The following RARB variants were observed in gnomAD, a reference collection of about 807,000 sequenced individuals.
The protein encoded by RARB is HBV-activated protein.
A neutral mutation model predicts 51.9 loss-of-function variants in RARB; 17 were observed. The observed-to-expected ratio is 0.33, with a 90% CI of 0.22 to 0.49. The LOEUF (loss-of-function observed/expected upper bound fraction) is 0.49, where lower values mean the gene tolerates loss of function less well. Among genes scored for constraint, RARB ranks in the 20% least tolerant of loss-of-function variants. The pLI, the probability that RARB is intolerant of heterozygous loss-of-function variation, is 0.99. For missense variants in RARB, 369 were observed against 550.8 expected, an observed-to-expected ratio of 0.67 and a Z score of 3.30; for synonymous variants, 215 against 195.4, an observed-to-expected ratio of 1.10 and a Z score of -0.84.
intron 5 of RARB, among the ~76,000 whole-genome samples, chr3:25,419,449 T>G (rs1293397826): frequency 6.6e-6 from 1 of 152,268 alleles, no homozygotes; most frequent in African/African-American, 2.4e-5. Context: ...AAGCCCAAAC[T>G]TGGGCCTCCT....
intron 5 of RARB, among the ~76,000 whole-genome samples, chr3:25,389,358 T>G (rs1706883795): frequency 6.6e-6 from 1 of 152,190 alleles, no homozygotes; most frequent in African/African-American, 2.4e-5. Flanking sequence ...TGTCACATGT[T>G]TCTTCCCTCA....
At chr3:25,360,979 T>C (rs1705915411) in intron 5 of RARB, among the ~76,000 whole-genome samples, 1 of 152,038 alleles carries the variant, frequency 6.6e-6, no homozygotes, top group South Asian at 2.1e-4. Context: ...TCTCAAGGAG[T>C]GTCTTAGTGG....
At chr3:25,075,796 G>A (rs920980918) in intron 3 of RARB, among the ~76,000 whole-genome samples, 5 of 152,158 alleles carry the variant, frequency 3.3e-5, no homozygotes, top group Non-Finnish European at 5.9e-5. Context: ...GTATGGATTT[G>A]GGAGCTTTCT....
chr3:25,300,425 C>T (rs1704013575), intron 5 of RARB, among the ~76,000 whole-genome samples: 1 of 152,170 alleles, frequency 6.6e-6, no homozygotes, highest in African/African-American at 2.4e-5. Flanking sequence ...ATCATTAACT[C>T]CAAATTCTAG....
At chr3:25,187,789 A>T (rs1701011817) in intron 5 of RARB, among the ~76,000 whole-genome samples, 1 of 152,102 alleles carries the variant, frequency 6.6e-6, no homozygotes, top group Non-Finnish European at 1.5e-5. Context: ...AATAATTTTG[A>T]ACTTAGTAAA....
At position 25,474,773 on chromosome 3, in the gene RARB, A is replaced by G. The variant is rs146963408; in HGVS notation, c.306+13432A>G. Among the ~76,000 whole-genome samples the G allele has an allele frequency of 6.6e-4, 100 of 152,326 alleles. 1 individual carries two copies. Among genetic ancestry groups the G allele is most frequent in the East Asian group, 4.8e-3 (25 of 5,184 alleles). On this transcript the variant is annotated intron_variant, in intron 2 of 7. Coordinates refer to ENST00000330688, the MANE Select transcript of RARB (RefSeq NM_000965.5). Reference sequence around the variant, plus strand: ...TTCTGCTAATTCTTGTTATTTCACTAAAATGAAATTAAATGTATAATTTCT... The same window carrying G: ...TTCTGCTAATTCTTGTTATTTCACTGAAATGAAATTAAATGTATAATTTCT...
intron 5 of RARB, among the ~76,000 whole-genome samples, chr3:25,321,609 C>G (rs964505184): frequency 1.3e-5 from 2 of 151,610 alleles, no homozygotes; most frequent in African/African-American, 2.4e-5. Context: ...CCCAGCTACT[C>G]GGGAGGCTGA....
chr3:25,235,621 A>G (rs892592148), intron 5 of RARB, among the ~76,000 whole-genome samples: 3 of 152,170 alleles, frequency 2.0e-5, no homozygotes, highest in Non-Finnish European at 4.4e-5. Context: ...TAGCTGAAAT[A>G]AGCAAGTCTG....
chr3:25,314,691 A>T (rs1704374660), intron 5 of RARB, among the ~76,000 whole-genome samples: 1 of 152,078 alleles, frequency 6.6e-6, no homozygotes, highest in African/African-American at 2.4e-5. Flanking sequence ...TAATTTTTTA[A>T]AATACTTTCA....
chr3:24,930,719 G>A (rs1679227908), intron 2 of RARB, among the ~76,000 whole-genome samples: 1 of 152,136 alleles, frequency 6.6e-6, no homozygotes, highest in East Asian at 1.9e-4. Flanking sequence ...ATAAAAATGA[G>A]GAGACCTGGC....
rs557563744 is a variant in RARB, at chr3:24,918,642, G to C, written c.-380+59890G>C. Among the ~76,000 whole-genome samples, 5 of 152,328 alleles carry C rather than the reference G, an allele frequency of 3.3e-5. No individual in the cohort carries two copies. In the East Asian group the frequency reaches 5.8e-4, roughly 18 times the overall value. ...TCGCACCTGTAATCCCAGCACTTTG[G>C]GAGGCCGAGGTGGGCAGATTGCCTG... is the stretch of plus-strand genomic sequence containing the variant. On this transcript the variant is annotated intron_variant, in intron 2 of 11. Coordinates refer to the RARB transcript ENST00000383772.
intron 5 of RARB, among the ~76,000 whole-genome samples, chr3:25,330,548 C>T (rs1203512290): frequency 1.3e-5 from 2 of 152,128 alleles, no homozygotes; most frequent in Non-Finnish European, 1.5e-5. Flanking sequence ...CAGTACCAGC[C>T]ACTAAAAAAC....
intron 2 of RARB, among the ~76,000 whole-genome samples, chr3:24,977,218 T>TG (rs1696536879): frequency 6.6e-6 from 1 of 152,196 alleles, no homozygotes; most frequent in African/African-American, 2.4e-5. Context: ...TTGTTCCTTT[T>TG]GCTCAGGATT....
At chr3:25,386,839 A>T (rs999788122) in intron 5 of RARB, among the ~76,000 whole-genome samples, 1 of 152,180 alleles carries the variant, frequency 6.6e-6, no homozygotes, top group African/African-American at 2.4e-5. Context: ...TTATTGTTCA[A>T]GATGTGCTAG....
chr3:25,377,929 T>C (rs1706512366), intron 5 of RARB, among the ~76,000 whole-genome samples: 1 of 152,190 alleles, frequency 6.6e-6, no homozygotes, highest in Non-Finnish European at 1.5e-5. Context: ...TATTCCCATA[T>C]TACTGCCCAC....
At chr3:24,933,142 T>C (rs772284745) in intron 2 of RARB, among the ~76,000 whole-genome samples, 1 of 152,092 alleles carries the variant, frequency 6.6e-6, no homozygotes, top group African/African-American at 2.4e-5. Context: ...CCCTGTAATA[T>C]GAATCTTTTT....
At chr3:24,959,610 G>C (rs1180223289) in intron 2 of RARB, among the ~76,000 whole-genome samples, 1 of 152,224 alleles carries the variant, frequency 6.6e-6, no homozygotes, top group Non-Finnish European at 1.5e-5. Flanking sequence ...TTCCAGGCTT[G>C]AGGGTGTGGC....
intron 4 of RARB, among the ~76,000 whole-genome samples, chr3:25,132,887 ATAAAAT>A (rs1325822678): frequency 1.3e-5 from 2 of 151,510 alleles, no homozygotes; most frequent in African/African-American, 4.9e-5. Context: ...ATTTTTAAAA[ATAAAAT>A]TAAAGCCTTT....
intron 2 of RARB, among the ~76,000 whole-genome samples, chr3:25,481,837 A>AAC (rs1696237648): frequency 1.3e-5 from 2 of 152,250 alleles, no homozygotes; most frequent in Admixed American, 6.5e-5. Flanking sequence ...TAATCATAAT[A>AAC]ACAGCAAATA....
Sources: gnomAD v4.1 joint callset for allele counts (sites outside exome capture counted in the v4.1 genomes callset) on GRCh38, gnomAD v4.1.1 for gene constraint, MANE v1.5 for transcripts, NCBI Gene and HGNC (gene_info 2026-07-23, HGNC 2026-07-21) for gene names.